Variants in TMEM38B observed in about 807,000 individuals in gnomAD.
TMEM38B encodes the protein trimeric intracellular cation channel type B.
A neutral mutation model predicts 28.7 loss-of-function variants in TMEM38B; 24 were observed. The observed-to-expected ratio is 0.84, with a 90% CI of 0.61 to 1.18. The LOEUF (loss-of-function observed/expected upper bound fraction) is 1.18. TMEM38B is among the 50% of genes most tolerant of loss of function. The probability of loss-of-function intolerance (pLI) is 0.00; values close to 1 mark genes in which losing one functional copy is unlikely to be tolerated. For missense variants in TMEM38B, 380 were observed against 350.9 expected, an observed-to-expected ratio of 1.08 and a Z score of -0.66; for synonymous variants, 131 against 127.7, an observed-to-expected ratio of 1.03 and a Z score of -0.17.
chr9:105,764,837 C>CCA lies in TMEM38B; in HGVS notation c.661-9028_661-9027insCA, dbSNP rs566363795. On this transcript the variant is annotated intron_variant, in intron 5 of 5. Transcript: ENST00000374692. ...CACTACCTGACTTCAAACTATACTA[C>CCA]AAGGCTACAGTAACCAAAACAGCAT... 9.4e-4 allele frequency among the ~76,000 whole-genome samples: 143 copies of CCA among 151,830 alleles called. 2 individuals carry two copies. Among genetic ancestry groups the CCA allele is most frequent in the African/African-American group, 3.4e-3 (140 of 41,374 alleles).
Position 105,774,079 on chromosome 9 carries a change from A to G in TMEM38B, c.875A>G (p.Ter292=), listed in dbSNP as rs145425586. The change falls in exon 6 of 6, where the codon TAA becomes TGA. Residue 292 remains the stop codon, a stop_retained_variant. Coordinates refer to ENST00000374692, the MANE Select transcript of TMEM38B (RefSeq NM_018112.3). Reference sequence around the variant, plus strand: ...AAGAAACATACTAAGAAGAATGAATAAATTTACGTGATGAGCTCTACAAGG... The same window carrying G: ...AAGAAACATACTAAGAAGAATGAATGAATTTACGTGATGAGCTCTACAAGG... ...VKKKHTKKNE[*] is the part of the protein sequence containing the mutation. 440 of 1,613,138 alleles carry G rather than the reference A, an allele frequency of 2.7e-4. No individual in the cohort carries two copies. The highest frequency in any genetic ancestry group is 3.4e-4 in the Non-Finnish European group (398 of 1,179,484).
At chr9:105,751,886 C>T (rs1381150912) in intron 5 of TMEM38B, among the ~76,000 whole-genome samples, 1 of 152,136 alleles carries the variant, frequency 6.6e-6, no homozygotes, top group Non-Finnish European at 1.5e-5. Context: ...CTGGGCAGGA[C>T]CTTCCTGTGG....
intron 2 of TMEM38B, among the ~76,000 whole-genome samples, chr9:105,711,584 G>A (rs1278377231): frequency 6.6e-6 from 1 of 152,084 alleles, no homozygotes. Context: ...AGTTGCTCAT[G>A]CCTGTAATCC....
intron 1 of TMEM38B, among the ~76,000 whole-genome samples, chr9:105,695,049 T>C (rs1835237552): frequency 6.6e-6 from 1 of 152,154 alleles, no homozygotes; most frequent in African/African-American, 2.4e-5. Flanking sequence ...GGGCCGACCT[T>C]GCCAACCGCC....
intron 4 of TMEM38B, among the ~76,000 whole-genome samples, chr9:105,728,326 A>G (rs1456599626): frequency 6.7e-6 from 1 of 148,778 alleles, no homozygotes; most frequent in Non-Finnish European, 1.5e-5. Flanking sequence ...TCCACTTATG[A>G]GTGAGAACAT....
rs146362191 is a variant in TMEM38B at position 105,699,576 on chromosome 9, C to T, written c.112+4804C>T. On this transcript the variant is annotated intron_variant, in intron 1 of 5. Coordinates refer to ENST00000374692, the MANE Select transcript of TMEM38B (RefSeq NM_018112.3). The stretch of plus-strand genomic sequence containing the variant: ...ATAAAGGGGATTAACTCTTTTCTGC[C>T]TAAGGTGTGAAGGACTGCATCCCAT... Among the ~76,000 whole-genome samples the T allele has an allele frequency of 7.1e-3, 1,083 of 152,274 alleles. 10 individuals carry two copies. The highest frequency in any genetic ancestry group is 9.5e-3 in the Non-Finnish European group (649 of 68,008).
intron 4 of TMEM38B, among the ~76,000 whole-genome samples, chr9:105,739,623 C>G (rs1197369954): frequency 2.6e-5 from 4 of 152,048 alleles, no homozygotes; most frequent in Non-Finnish European, 5.9e-5. Context: ...CTCCTGGGTT[C>G]AAGTGATTCT....
chr9:105,733,260 C>T (rs932455235), intron 4 of TMEM38B, among the ~76,000 whole-genome samples: 4 of 152,120 alleles, frequency 2.6e-5, no homozygotes, highest in African/African-American at 9.7e-5. Context: ...CTGCTCAGCT[C>T]TGGGCCTCAT....
chr9:105,752,571 C>T (rs150577304), intron 5 of TMEM38B, among the ~76,000 whole-genome samples: 12 of 152,190 alleles, frequency 7.9e-5, no homozygotes, highest in East Asian at 5.8e-4. Context: ...CTCAGCAAAC[C>T]GCAGCAACCC....
chr9:105,740,228 T>C (rs1837147747), intron 4 of TMEM38B, among the ~76,000 whole-genome samples: 1 of 150,940 alleles, frequency 6.6e-6, no homozygotes, highest in Admixed American at 6.6e-5. Flanking sequence ...TGTGCAAGTC[T>C]TCCACTTCCT....
Position 105,774,233 on chromosome 9 carries a change from T to G in TMEM38B, c.*153T>G. 1.6e-6 allele frequency: 1 copy of G among 636,350 alleles called. No individual in the cohort carries two copies. Among genetic ancestry groups the G allele is most frequent in the Non-Finnish European group, 2.7e-6 (1 of 370,410 alleles). The allele number at this position is 636,350 out of a possible 1,614,324, so 39.4% of individuals were successfully genotyped here. On this transcript the variant is annotated 3_prime_UTR_variant, in exon 6 of 6. Coordinates refer to ENST00000374692, the MANE Select transcript of TMEM38B (RefSeq NM_018112.3). Reference sequence around the variant, plus strand: ...AGAAATTCTTTGTTTGAGGGAGACTTCCCCTTTCTGGATTGTATTTGTAGA... The same window carrying G: ...AGAAATTCTTTGTTTGAGGGAGACTGCCCCTTTCTGGATTGTATTTGTAGA...
intron 4 of TMEM38B, among the ~76,000 whole-genome samples, chr9:105,730,995 G>A (rs1398380397): frequency 1.3e-5 from 2 of 151,856 alleles, no homozygotes; most frequent in Non-Finnish European, 2.9e-5. Flanking sequence ...TATCTATTTT[G>A]TTATCTTTTC....
At chr9:105,700,725 G>C (rs746119056) in intron 1 of TMEM38B, among the ~76,000 whole-genome samples, 5 of 152,124 alleles carry the variant, frequency 3.3e-5, no homozygotes, top group Admixed American at 6.5e-5. Context: ...TGTAAGTCTA[G>C]GATTTATCAG....
At chr9:105,700,382 C>T (rs1297659530) in intron 1 of TMEM38B, among the ~76,000 whole-genome samples, 15 of 152,148 alleles carry the variant, frequency 9.9e-5, no homozygotes. Flanking sequence ...TTCTATTCCT[C>T]ACACATTCCT....
At chr9:105,754,959 C>G (rs1837784953) in intron 5 of TMEM38B, among the ~76,000 whole-genome samples, 1 of 152,162 alleles carries the variant, frequency 6.6e-6, no homozygotes, top group Non-Finnish European at 1.5e-5. Context: ...AAACAACCAT[C>G]TATATAGAGA....
At chr9:105,772,350 C>A (rs1387310092) in intron 5 of TMEM38B, among the ~76,000 whole-genome samples, 1 of 152,300 alleles carries the variant, frequency 6.6e-6, no homozygotes, top group South Asian at 2.1e-4. Flanking sequence ...GTCCTTACAG[C>A]TTTGGCCTTC....
intron 2 of TMEM38B, chr9:105,710,775 G>A (rs566870078): frequency 3.8e-5 from 20 of 524,710 alleles, no homozygotes; most frequent in South Asian, 4.9e-5. Flanking sequence ...GGCAGGTAGC[G>A]GGACATGAAG....
intron 4 of TMEM38B, among the ~76,000 whole-genome samples, chr9:105,729,854 G>C (rs1212364957): frequency 1.3e-5 from 2 of 152,068 alleles, no homozygotes; most frequent in African/African-American, 4.8e-5. Flanking sequence ...TTGTGAATGG[G>C]AGTTCACTCA....
chr9:105,772,364 C>CAT, intron 5 of TMEM38B, among the ~76,000 whole-genome samples: 1 of 152,306 alleles, frequency 6.6e-6, no homozygotes, highest in South Asian at 2.1e-4. Context: ...GGCCTTCTCA[C>CAT]ATTCCAACCT....
Sources: allele counts gnomAD v4.1 joint callset (sites outside exome capture counted in the v4.1 genomes callset), GRCh38; gene constraint gnomAD v4.1.1; transcripts MANE v1.5; gene names NCBI Gene and HGNC (gene_info 2026-07-23, HGNC 2026-07-21).